MRTFB: variants seen among roughly 807,000 people sequenced by gnomAD.
The protein encoded by MRTFB is myocardin-related transcription factor B.
MRTFB carries 29 observed loss-of-function variants against 104.2 expected under a neutral mutation model. That is an observed-to-expected ratio of 0.28 (90% CI 0.21 to 0.38). MRTFB has a LOEUF of 0.38. Among genes scored for constraint, MRTFB ranks in the 10% least tolerant of loss-of-function variants. The probability of loss-of-function intolerance (pLI) is 1.00; values close to 1 mark genes in which losing one functional copy is unlikely to be tolerated. For missense variants in MRTFB, 1,270 were observed against 1,341.6 expected (o/e 0.95, Z 0.83); for synonymous variants, 535 against 519.5 (o/e 1.03, Z -0.41).
At chr16:14,254,735 G>A (rs996000883) in intron 15 of MRTFB, among the ~76,000 whole-genome samples, 2 of 152,232 alleles carry the variant, frequency 1.3e-5, no homozygotes, top group African/African-American at 2.4e-5. Context: ...AATAACAGCA[G>A]AATTCACAGT....
At chr16:14,104,413 A>C (rs184108042) in intron 2 of MRTFB, among the ~76,000 whole-genome samples, 1 of 152,332 alleles carries the variant, frequency 6.6e-6, no homozygotes, top group Admixed American at 6.5e-5. Context: ...GAGCAAGTAG[A>C]CTTTACAAGG....
the MRTFB span, among the ~76,000 whole-genome samples, chr16:14,045,245 G>T: frequency 6.6e-6 from 1 of 152,316 alleles, no homozygotes; most frequent in Non-Finnish European, 1.5e-5. Flanking sequence ...TGATTTTAAT[G>T]TTGTCTGTTT....
intron 3 of MRTFB, among the ~76,000 whole-genome samples, chr16:14,198,023 A>G (rs753614796): frequency 3.9e-5 from 6 of 152,324 alleles, no homozygotes; most frequent in Middle Eastern, 3.4e-3. Flanking sequence ...GCAACCACCA[A>G]TCTGCACTCT....
chr16:14,059,971 A>T, the MRTFB span, among the ~76,000 whole-genome samples: 1 of 148,840 alleles, frequency 6.7e-6, no homozygotes, highest in African/African-American at 2.5e-5. Context: ...TTCAATATTC[A>T]TATCTGGAAA....
chr16:14,040,325 T>C, the MRTFB span, among the ~76,000 whole-genome samples: 2 of 152,312 alleles, frequency 1.3e-5, no homozygotes, highest in South Asian at 4.1e-4. Flanking sequence ...GGATAAATAA[T>C]AAGAGAAATT....
intron 2 of MRTFB, among the ~76,000 whole-genome samples, chr16:14,132,911 C>A (rs1048892594): frequency 6.6e-6 from 1 of 152,034 alleles, no homozygotes; most frequent in Non-Finnish European, 1.5e-5. Flanking sequence ...TGTGTTTGTT[C>A]CTAAATCTGT....
the MRTFB span, among the ~76,000 whole-genome samples, chr16:14,032,046 G>C: frequency 3.9e-5 from 6 of 152,194 alleles, no homozygotes; most frequent in Non-Finnish European, 8.8e-5. Context: ...GACCTCAAGT[G>C]ATCTGCCCAC....
intron 10 of MRTFB, among the ~76,000 whole-genome samples, chr16:14,245,093 C>A (rs1205213311): frequency 1.3e-5 from 2 of 152,198 alleles, no homozygotes; most frequent in Admixed American, 1.3e-4. Flanking sequence ...CTCTCCACTA[C>A]ATCACAGTGT....
intron 2 of MRTFB, among the ~76,000 whole-genome samples, chr16:14,100,742 A>C (rs1042910883): frequency 7.9e-5 from 12 of 152,238 alleles, no homozygotes; most frequent in South Asian, 6.2e-4. Flanking sequence ...TACAAATTCA[A>C]TTTTTAAAAT....
chr16:14,062,989 C>T, the MRTFB span, among the ~76,000 whole-genome samples: 6 of 152,198 alleles, frequency 3.9e-5, no homozygotes, highest in Non-Finnish European at 7.3e-5. Flanking sequence ...CGACATCATA[C>T]GGCTTGTCTT....
the MRTFB span, among the ~76,000 whole-genome samples, chr16:14,042,450 A>G: frequency 6.6e-6 from 1 of 152,102 alleles, no homozygotes; most frequent in Non-Finnish European, 1.5e-5. Context: ...TGTTTTTGAT[A>G]GTGGCCATTC....
At chr16:14,060,303 G>A in the MRTFB span, among the ~76,000 whole-genome samples, 19 of 152,176 alleles carry the variant, frequency 1.2e-4, no homozygotes, top group African/African-American at 3.9e-4. Flanking sequence ...CACTATGCCC[G>A]ACTGAGACAC....
chr16:14,033,180 G>A, the MRTFB span, among the ~76,000 whole-genome samples: 76 of 152,082 alleles, frequency 5.0e-4, no homozygotes, highest in Middle Eastern at 0.01. Flanking sequence ...TGGGAGCATC[G>A]CTTGAACTCA....
the MRTFB span, among the ~76,000 whole-genome samples, chr16:14,044,528 T>C: frequency 9.2e-5 from 14 of 152,308 alleles, no homozygotes; most frequent in South Asian, 2.7e-3. Flanking sequence ...TTGTCTGCTA[T>C]AATCTGGAGA....
the MRTFB span, among the ~76,000 whole-genome samples, chr16:14,046,315 G>C: frequency 6.6e-6 from 1 of 152,086 alleles, no homozygotes; most frequent in East Asian, 1.9e-4. Flanking sequence ...GACAGAGTGA[G>C]ACCCTGTCTC....
the MRTFB span, among the ~76,000 whole-genome samples, chr16:14,044,627 T>TCCATAA: frequency 6.6e-6 from 1 of 152,168 alleles, no homozygotes; most frequent in Non-Finnish European, 1.5e-5. Context: ...TTCTGGATGT[T>TCCATAA]CCATAACTGC....
Position 14,251,847 on chromosome 16 carries a change from AT to A in MRTFB, c.2404-12del. 1 of 1,612,126 alleles carries A rather than the reference AT, an allele frequency of 6.2e-7. No homozygotes were observed. The highest frequency in any genetic ancestry group is 8.5e-7 in the Non-Finnish European group (1 of 1,179,072). On this transcript the variant is annotated splice_polypyrimidine_tract_variant and intron_variant, in intron 13 of 16. Transcript: ENST00000571589. ...CCAAAGAACAAATTAATGGAGAAACATTTATTCATTACAGGTTTTCACAAAC... is the reference window on the plus strand; with the variant it reads ...CCAAAGAACAAATTAATGGAGAAACATTATTCATTACAGGTTTTCACAAAC...
chr16:14,195,507 C>T (rs981749192), intron 3 of MRTFB: 14 of 985,132 alleles, frequency 1.4e-5, no homozygotes, highest in African/African-American at 1.7e-5. Flanking sequence ...ATTCCTGAAT[C>T]CACAAAATGG....
chr16:14,202,877 G>A (rs2040769938), intron 3 of MRTFB, among the ~76,000 whole-genome samples: 1 of 152,154 alleles, frequency 6.6e-6, no homozygotes, highest in African/African-American at 2.4e-5. Context: ...ATAATATGAG[G>A]AAGCTGGCTT....
Sources: allele counts gnomAD v4.1 joint callset (sites outside exome capture counted in the v4.1 genomes callset), GRCh38; gene constraint gnomAD v4.1.1; transcripts MANE v1.5; gene names NCBI Gene and HGNC (gene_info 2026-07-23, HGNC 2026-07-21).